Variants in BBS12 observed in about 807,000 individuals in gnomAD.
The protein encoded by BBS12 is Bardet-Biedl syndrome 12.
In BBS12, 5 loss-of-function variants were observed where a neutral mutation model predicts 5.6. The observed-to-expected ratio is 0.89, with a 90% CI of 0.46 to 1.86. BBS12 has a LOEUF of 1.86. BBS12 is among the 40% of genes most tolerant of loss of function. The pLI, the probability that BBS12 is intolerant of heterozygous loss-of-function variation, is 0.01. For missense variants in BBS12, 748 were observed against 830.4 expected, an observed-to-expected ratio of 0.90 and a Z score of 1.22; for synonymous variants, 308 against 306.8, an observed-to-expected ratio of 1.00 and a Z score of -0.04.
the BBS12 span, among the ~76,000 whole-genome samples, chr4:122,716,597 G>A: frequency 0.36 from 41,389 of 116,390 alleles, 8,854 homozygotes; most frequent in East Asian, 0.63. Context: ...ACATATGTAT[G>A]TATACACACA....
the BBS12 span, among the ~76,000 whole-genome samples, chr4:122,721,550 A>T: frequency 6.6e-6 from 1 of 152,254 alleles, no homozygotes; most frequent in Non-Finnish European, 1.5e-5. Flanking sequence ...GGCAGGGTTT[A>T]GTGGGAGCAG....
chr4:122,709,089 T>G, the BBS12 span, among the ~76,000 whole-genome samples: 1 of 151,650 alleles, frequency 6.6e-6, no homozygotes, highest in African/African-American at 2.4e-5. Context: ...ATATATATAC[T>G]AATATACATA....
chr4:122,730,681 A>C (rs1389603401), upstream of BBS12: 2 of 152,350 alleles, frequency 1.3e-5, no homozygotes, highest in South Asian at 2.1e-4. Flanking sequence ...AAAATGACAT[A>C]AATGAAGTCA....
the BBS12 span, among the ~76,000 whole-genome samples, chr4:122,716,712 CATATGTGTGTAT>C: frequency 1.1e-5 from 1 of 95,198 alleles, no homozygotes; most frequent in African/African-American, 5.3e-5. Context: ...TATACATACA[CATATGTGTGTAT>C]ATACACACAC....
At chr4:122,737,479 C>A (rs537400472) in intron 1 of BBS12, among the ~76,000 whole-genome samples, 17 of 152,250 alleles carry the variant, frequency 1.1e-4, no homozygotes, top group African/African-American at 4.1e-4. Flanking sequence ...GATTATAGTA[C>A]CTCCCTCATG....
the BBS12 span, among the ~76,000 whole-genome samples, chr4:122,704,471 G>A: frequency 3.3e-5 from 5 of 152,142 alleles, no homozygotes; most frequent in East Asian, 1.9e-4. Context: ...CCTAGCTGGC[G>A]CCCAGATGCC....
the BBS12 span, among the ~76,000 whole-genome samples, chr4:122,712,110 G>T: frequency 6.6e-6 from 1 of 152,220 alleles, no homozygotes; most frequent in Non-Finnish European, 1.5e-5. Flanking sequence ...CATGAACTAG[G>T]TTACAACCTC....
chr4:122,723,893 G>T, the BBS12 span, among the ~76,000 whole-genome samples: 1 of 152,190 alleles, frequency 6.6e-6, no homozygotes, highest in Non-Finnish European at 1.5e-5. Flanking sequence ...CTGAGTTTCA[G>T]ATGCGTGTGT....
At chr4:122,736,691 T>C (rs1481004412) in intron 1 of BBS12, among the ~76,000 whole-genome samples, 1 of 152,160 alleles carries the variant, frequency 6.6e-6, no homozygotes, top group Admixed American at 6.5e-5. Context: ...ATTGTGTCTG[T>C]GTAATGCCAA....
At chr4:122,729,087 C>G (rs371885979), upstream of BBS12, 4 of 152,444 alleles carry the variant, frequency 2.6e-5, no homozygotes, top group East Asian at 5.8e-4. Flanking sequence ...TCCCTCTTGG[C>G]AGCTGACACA....
chr4:122,715,320 GAA>G, the BBS12 span, among the ~76,000 whole-genome samples: 148 of 108,036 alleles, frequency 1.4e-3, no homozygotes, highest in Middle Eastern at 0.013. Context: ...ATCTCTATTT[GAA>G]AAAAAAAAAA....
At chr4:122,722,967 A>C in the BBS12 span, among the ~76,000 whole-genome samples, 1 of 152,204 alleles carries the variant, frequency 6.6e-6, no homozygotes, top group Non-Finnish European at 1.5e-5. Flanking sequence ...ATAGGTTTTC[A>C]AAATACCCTT....
At chr4:122,714,857 G>T in the BBS12 span, among the ~76,000 whole-genome samples, 3 of 151,778 alleles carry the variant, frequency 2.0e-5, no homozygotes, top group Non-Finnish European at 4.4e-5. Flanking sequence ...ATAATTTTTT[G>T]GAAACATACT....
upstream of BBS12, chr4:122,730,265 A>C (rs1800681005): frequency 6.6e-6 from 1 of 152,220 alleles, no homozygotes; most frequent in Admixed American, 6.5e-5. Flanking sequence ...CAAACTTTAA[A>C]ATTCTAAGTC....
chr4:122,714,205 T>C, the BBS12 span, among the ~76,000 whole-genome samples: 3 of 152,090 alleles, frequency 2.0e-5, no homozygotes, highest in African/African-American at 7.2e-5. Flanking sequence ...TTCTGCCACA[T>C]GAAGACACAG....
At chr4:122,714,362 A>ATTTGTG in the BBS12 span, among the ~76,000 whole-genome samples, 50 of 152,256 alleles carry the variant, frequency 3.3e-4, no homozygotes, top group Admixed American at 3.1e-3. Flanking sequence ...TTGTATTTGT[A>ATTTGTG]TTTGCATGGT....
In BBS12 at chr4:122,743,617, G is replaced by A. The variant is rs200760741; in HGVS notation, c.1725G>A (p.Trp575Ter). 1 of 1,614,044 alleles carries A rather than the reference G, an allele frequency of 6.2e-7. No homozygotes were observed. Among genetic ancestry groups the A allele is most frequent in the East Asian group, 2.2e-5 (1 of 44,872 alleles). ...CSGWLHNTSSWLASSLAIYRP... is the reference protein window; with the variant it reads ...CSGWLHNTSS The stretch of plus-strand genomic sequence containing the variant: ...GGTGGCTGCATAATACTTCCTCTTG[G>A]CTGGCTTCATCTCTGGCAATATACA... The change falls in exon 2 of 2, where the codon TGG (tryptophan) becomes TGA (stop). Residue 575 changes from tryptophan to a stop codon, truncating the protein, a stop_gained. Coordinates refer to ENST00000314218, the MANE Select transcript of BBS12 (RefSeq NM_152618.3). LOFTEE classifies it low-confidence loss of function (END_TRUNC).
chr4:122,728,334 A>G (rs1800651209), upstream of BBS12, among the ~76,000 whole-genome samples: 1 of 152,166 alleles, frequency 6.6e-6, no homozygotes, highest in Non-Finnish European at 1.5e-5. Context: ...TATTATACAG[A>G]TATTTTATTT....
At chr4:122,738,750 A>C (rs1800822822) in intron 1 of BBS12, among the ~76,000 whole-genome samples, 1 of 152,254 alleles carries the variant, frequency 6.6e-6, no homozygotes, top group South Asian at 2.1e-4. Flanking sequence ...GCCAATGCAC[A>C]TGAAAAGATG....
Sources: gnomAD v4.1 joint callset for allele counts (sites outside exome capture counted in the v4.1 genomes callset) on GRCh38, gnomAD v4.1.1 for gene constraint, MANE v1.5 for transcripts, NCBI Gene and HGNC (gene_info 2026-07-23, HGNC 2026-07-21) for gene names.